The following ABCG5 variants were observed in gnomAD, a reference collection of about 807,000 sequenced individuals.
ABCG5 encodes the protein ATP binding cassette subfamily G member 5.
Under a neutral mutation model 64.5 loss-of-function variants are expected in ABCG5, and 64 were observed. The ratio of observed to expected loss-of-function variants is 0.99; its 90% CI spans 0.81 to 1.22. The LOEUF (loss-of-function observed/expected upper bound fraction) is 1.22, where lower values mean the gene tolerates loss of function less well. ABCG5 is among the 50% of genes most tolerant of loss of function. The pLI is 0.00. For synonymous variants in ABCG5, 385 were observed against 326.3 expected, an observed-to-expected ratio of 1.18 and a Z score of -1.94; for missense variants, 908 against 829.5, an observed-to-expected ratio of 1.09 and a Z score of -1.16.
At chr2:43,825,993 T>G (rs1667574353) in intron 6 of ABCG5, among the ~76,000 whole-genome samples, 1 of 151,926 alleles carries the variant, frequency 6.6e-6, no homozygotes, top group Admixed American at 6.6e-5. Flanking sequence ...TTTGTTTGTT[T>G]GAGATGAGGT....
chr2:43,823,918 T>G lies in ABCG5; in HGVS notation c.1319A>C (p.Asn440Thr). Residue 440 changes from asparagine (N) to threonine (T), a missense_variant, in exon 9 of 13, where the codon AAT becomes ACT. Physicochemically the swap from Asn to Thr is moderately conservative, Grantham distance 65. Transcript: ENST00000405322. ...TPYTGMLNAV[N>T]LFPVLRAVSD... ...TCCAGCACGTGGGCACTTACACAGA[T>G]TCACAGCGTTCAGCATGCCTGTGTA... 6.2e-7 allele frequency: 1 copy of G among 1,614,062 alleles called. No individual in the cohort carries two copies. The highest frequency in any genetic ancestry group is 2.2e-5 in the East Asian group (1 of 44,884).
At chr2:43,809,868 G>A, downstream of ABCG5, 1 of 1,453,434 alleles carries the variant, frequency 6.9e-7, no homozygotes, top group Non-Finnish European at 9.1e-7. Context: ...AAGTTAAACT[G>A]TATAATTTGT....
In ABCG5 at chr2:43,824,100, C is replaced by T. The variant is rs757559417; in HGVS notation, c.1137G>A (p.Leu379=). ...TAATCACTGCCAGCTTATTTCTCAC[C>T]AAGTTTCTTGTCACTCTCCTGAAAA... ...GVLLRRVTRN[L]VRNKLAVITR... The change falls in exon 9 of 13, where the codon TTG becomes TTA. Residue 379 remains leucine, a synonymous_variant. Transcript: ENST00000405322. The T allele has an allele frequency of 6.2e-7, 1 of 1,614,174 alleles. No homozygotes were observed. The highest frequency in any genetic ancestry group is 8.5e-7 in the Non-Finnish European group (1 of 1,180,044).
chr2:43,829,023 A>C (rs1195241731), intron 4 of ABCG5, among the ~76,000 whole-genome samples: 1 of 152,158 alleles, frequency 6.6e-6, no homozygotes, highest in African/African-American at 2.4e-5. Context: ...CCTAGAACAC[A>C]AACTGCTTAC....
chr2:43,813,709 G>GTTTTTTTTTT (rs1214033245), intron 12 of ABCG5, among the ~76,000 whole-genome samples: 8 of 34,064 alleles, frequency 2.3e-4, no homozygotes, highest in Admixed American at 4.4e-4. Flanking sequence ...TTTTTTTTTC[G>GTTTTTTTTTT]TTTTTTTTTT....
At position 43,826,376 on chromosome 2, in the gene ABCG5, T is replaced by C; in HGVS notation, c.774+6A>G. The C allele has an allele frequency of 6.2e-7, 1 of 1,613,918 alleles. No individual in the cohort carries two copies. Among genetic ancestry groups the C allele is most frequent in the Non-Finnish European group, 8.5e-7 (1 of 1,179,956 alleles). On this transcript the variant is annotated splice_donor_region_variant and intron_variant, in intron 6 of 12. Coordinates refer to ENST00000405322, the MANE Select transcript of ABCG5 (RefSeq NM_022436.3). Reference sequence around the variant, plus strand: ...AGACCCGGCCTTTACGAGTTGAACCTCTTACCTGAAAAAGCTCAGAACGGG... The same window carrying C: ...AGACCCGGCCTTTACGAGTTGAACCCCTTACCTGAAAAAGCTCAGAACGGG...
At chr2:43,819,545 C>T (rs1270951240) in intron 11 of ABCG5, among the ~76,000 whole-genome samples, 1 of 151,012 alleles carries the variant, frequency 6.6e-6, no homozygotes, top group Non-Finnish European at 1.5e-5. Flanking sequence ...AACTGCAGTT[C>T]ACACTCAACA....
chr2:43,831,929 T>C lies in ABCG5; in HGVS notation c.402+18A>G. On this transcript the variant is annotated intron_variant, in intron 3 of 12. Transcript: ENST00000405322. ...CCGGGGCGGGCGGGGGGGCCAGGGG[T>C]GTGGGGGACGCGCCCACCTGCAGGA... The C allele has an allele frequency of 6.5e-7, 1 of 1,546,256 alleles. No individual in the cohort carries two copies. The highest frequency in any genetic ancestry group is 8.7e-7 in the Non-Finnish European group (1 of 1,146,394).
intron 2 of ABCG5, among the ~76,000 whole-genome samples, chr2:43,833,030 G>T (rs572951882): frequency 5.3e-5 from 8 of 152,130 alleles, no homozygotes; most frequent in Admixed American, 4.6e-4. Context: ...GGCTGGTCTC[G>T]ACCTCCTGAC....
At chr2:43,810,831 A>T (rs950517152), downstream of ABCG5, among the ~76,000 whole-genome samples, 6 of 152,216 alleles carry the variant, frequency 3.9e-5, no homozygotes, top group East Asian at 5.8e-4. Flanking sequence ...AGTGAACATT[A>T]TGATCTCAGA....
At chr2:43,811,918 T>C (rs74472863), downstream of ABCG5, among the ~76,000 whole-genome samples, 3,277 of 152,320 alleles carry the variant, frequency 0.022, 81 homozygotes, top group African/African-American at 0.062. Flanking sequence ...ATAACCTATT[T>C]ACATTATTTT....
chr2:43,828,378 G>C (rs766799831), intron 4 of ABCG5: 9 of 465,608 alleles, frequency 1.9e-5, no homozygotes, highest in Non-Finnish European at 3.1e-5. Context: ...GCTCATGCCT[G>C]TAATCCCAAT....
In ABCG5 at chr2:43,828,062, A is replaced by C. The variant is rs745781343; in HGVS notation, c.555T>G (p.Ile185Met). 2.4e-5 allele frequency: 38 copies of C among 1,613,988 alleles called. No individual in the cohort carries two copies. The South Asian group carries it at 3.7e-4, about 16-fold the overall frequency. The part of the protein sequence containing the change: ...LSLSHVADRL[I>M]GNYSLGGIST... ...AAATGCCCCCCAAGCTGTAGTTGCC[A>C]ATCAGTCGGTCTGCCACATGGCTCA... Residue 185 changes from isoleucine to methionine, a missense_variant, in exon 5 of 13, where the codon ATT (isoleucine) becomes ATG (methionine). Transcript: ENST00000405322.
At position 43,831,988 on chromosome 2, in the gene ABCG5, G is replaced by T. The variant is rs1273093355; in HGVS notation, c.361C>A (p.Arg121Ser). The T allele has an allele frequency of 5.1e-6, 8 of 1,554,408 alleles. No homozygotes were observed. The South Asian group carries it at 7.1e-5, about 14-fold the overall frequency. The change falls in exon 3 of 13, where the codon CGC (arginine) becomes AGC (serine). Residue 121 changes from arginine to serine, a missense_variant. Coordinates refer to ENST00000405322, the MANE Select transcript of ABCG5 (RefSeq NM_022436.3). Reference sequence around the variant, plus strand: ...AAGCAGTCCTGGAACTGCTCCCGGCGCAGCGCCCGGCCGTTCACATACACC... The same window carrying T: ...AAGCAGTCCTGGAACTGCTCCCGGCTCAGCGCCCGGCCGTTCACATACACC... ...GEVYVNGRALRREQFQDCFSY... is the reference protein window; with the variant it reads ...GEVYVNGRALSREQFQDCFSY...
the ABCG5 span, among the ~76,000 whole-genome samples, chr2:43,806,696 C>G: frequency 6.6e-6 from 1 of 152,096 alleles, no homozygotes; most frequent in Non-Finnish European, 1.5e-5. Context: ...AGTTCATATA[C>G]ATCAGTATTA....
In ABCG5 at chr2:43,827,934, A is replaced by G. The variant is rs752907527; in HGVS notation, c.634+49T>C. The G allele has an allele frequency of 6.8e-6, 11 of 1,611,168 alleles. No individual in the cohort carries two copies. In the East Asian group the frequency reaches 2.2e-4, roughly 33 times the overall value. On this transcript the variant is annotated intron_variant, in intron 5 of 12. Coordinates refer to ENST00000405322, the MANE Select transcript of ABCG5 (RefSeq NM_022436.3). Reference sequence around the variant, plus strand: ...AAGGGCCCAAAGTATCTGCACACACACAGAAGATGCCCAGACAGCAGCTAG... The same window carrying G: ...AAGGGCCCAAAGTATCTGCACACACGCAGAAGATGCCCAGACAGCAGCTAG...
chr2:43,832,960 C>G (rs1668041096), intron 2 of ABCG5, among the ~76,000 whole-genome samples: 1 of 152,164 alleles, frequency 6.6e-6, no homozygotes, highest in Admixed American at 6.5e-5. Context: ...CAGGCATGCA[C>G]CACTACACCC....
intron 2 of ABCG5, among the ~76,000 whole-genome samples, chr2:43,836,856 G>C (rs973382525): frequency 2.6e-5 from 4 of 151,970 alleles, no homozygotes; most frequent in African/African-American, 9.7e-5. Context: ...TAGCAAGAAC[G>C]CTGTCTCTAC....
At position 43,838,200 on chromosome 2, in the gene ABCG5, G is replaced by A; in HGVS notation, c.144-245C>T. 1.7e-6 allele frequency: 1 copy of A among 599,328 alleles called. No homozygotes were observed. The highest frequency in any genetic ancestry group is 2.9e-6 in the Non-Finnish European group (1 of 339,942). The allele number at this position is 599,328 out of a possible 1,614,324, so 37.1% of individuals were successfully genotyped here. On this transcript the variant is annotated intron_variant, in intron 1 of 12. Transcript: ENST00000405322. This position sits in a 1 kb window ranked among gnomAD's most constrained non-coding sequence, Gnocchi z 4.2. ...GTCCTGTCCGTTTGGCTGCGAGGTG[G>A]CTGTCCCTGCATTCTTTCACCAGGT...
Sources: allele counts gnomAD v4.1 joint callset (sites outside exome capture counted in the v4.1 genomes callset), GRCh38; gene constraint gnomAD v4.1.1; non-coding constraint Gnocchi (gnomAD v3.1); transcripts MANE v1.5; gene names NCBI Gene and HGNC (gene_info 2026-07-23, HGNC 2026-07-21).